The following PGAP6 variants were observed in gnomAD, a reference collection of about 807,000 sequenced individuals.
PGAP6 encodes post-GPI attachment to proteins factor 6.
Under a neutral mutation model 68.4 loss-of-function variants are expected in PGAP6, and 62 were observed. That is an observed-to-expected ratio of 0.91 (90% confidence interval 0.74 to 1.12). PGAP6 has a LOEUF of 1.12. PGAP6 is among the 50% of genes most tolerant of loss of function. The probability of loss-of-function intolerance (pLI) is 0.00; values close to 1 mark genes in which losing one functional copy is unlikely to be tolerated. For missense variants in PGAP6, 1,188 were observed against 1,068.5 expected, an observed-to-expected ratio of 1.11 and a Z score of -1.56; for synonymous variants, 575 against 474.0, an observed-to-expected ratio of 1.21 and a Z score of -2.77.
rs890483880 is a variant in PGAP6 at position 372,058 on chromosome 16, A to G, written c.2245T>C (p.Cys749Arg). 1 of 1,612,614 alleles carries G rather than the reference A, an allele frequency of 6.2e-7. No individual in the cohort carries two copies. Residue 749 changes from cysteine (C) to arginine (R), a missense_variant, in exon 13 of 13, where the codon TGC (cysteine) becomes CGC (arginine). Physicochemically the swap from Cys to Arg is radical, Grantham distance 180. Coordinates refer to ENST00000431232, the MANE Select transcript of PGAP6 (RefSeq NM_021259.3). ...PPDQPAEPWACSQKFPCHYQI... is the reference protein window; with the variant it reads ...PPDQPAEPWARSQKFPCHYQI... Reference sequence around the variant, plus strand: ...TAGTGGCAGGGGAATTTCTGCGAGCAGGCCCAGGGCTCGGCGGGCTGGTCA... The same window carrying G: ...TAGTGGCAGGGGAATTTCTGCGAGCGGGCCCAGGGCTCGGCGGGCTGGTCA...
upstream of PGAP6, among the ~76,000 whole-genome samples, chr16:385,291 C>T (rs1597170437): frequency 2.0e-5 from 3 of 150,518 alleles, no homozygotes; most frequent in African/African-American, 7.4e-5. Flanking sequence ...GTAAATAAAT[C>T]ATGCTATAAT....
In PGAP6 at chr16:377,497, C is replaced by A. The variant is rs369425622; in HGVS notation, c.388G>T (p.Gly130Trp). ...DTAVQPSFQV[G>W]VPLSTTPRSN... ...CTCGGTGTGGTGCTCAGCGGCACCC[C>A]GACCTGGAAGGAGGGCTGTACCGCG... Residue 130 changes from glycine (G) to tryptophan (W), a missense_variant, in exon 3 of 13, where the codon GGG becomes TGG. Coordinates refer to ENST00000431232, the MANE Select transcript of PGAP6 (RefSeq NM_021259.3). The A allele has an allele frequency of 4.4e-6, 7 of 1,604,380 alleles. No homozygotes were observed. In the African/African-American group the frequency reaches 5.3e-5, roughly 12 times the overall value.
In PGAP6 at chr16:372,612, C is replaced by T; in HGVS notation, c.2018G>A (p.Trp673Ter). The change falls in exon 12 of 13, where the codon TGG becomes TAG. Residue 673 changes from tryptophan to a stop codon, truncating the protein, a stop_gained and splice_region_variant. Coordinates refer to ENST00000431232, the MANE Select transcript of PGAP6 (RefSeq NM_021259.3). LOFTEE classifies it low-confidence loss of function (END_TRUNC). The stretch of plus-strand genomic sequence containing the variant: ...GTGCCAGCCAGCCCGGCTCCTTACC[C>T]ACATGGAGGCCATGATCACGAAGGC... ...LFAFVIMASM[W>*]AYRCGHRRQC... 5 of 1,610,174 alleles carry T rather than the reference C, an allele frequency of 3.1e-6. No homozygotes were observed. The highest frequency in any genetic ancestry group is 4.2e-6 in the Non-Finnish European group (5 of 1,178,402).
rs199941914 is a variant in PGAP6 at position 372,198 on chromosome 16, G to A, written c.2105C>T (p.Ala702Val). 12 of 1,611,322 alleles carry A rather than the reference G, an allele frequency of 7.4e-6. No individual in the cohort carries two copies. The highest frequency in any genetic ancestry group is 2.2e-5 in the South Asian group (2 of 90,994). The change falls in exon 13 of 13, where the codon GCC (alanine) becomes GTC (valine). Residue 702 changes from alanine to valine, a missense_variant. By Grantham distance (64) the Ala-to-Val change is moderately conservative. Coordinates refer to ENST00000431232, the MANE Select transcript of PGAP6 (RefSeq NM_021259.3). ...GGTGTAGATGGCGATGCCCACAGAG[G>A]CCATAGAGACGCCGGGCAGGAGGTA... is the stretch of plus-strand genomic sequence containing the variant. ...AFYLLPGVSM[A>V]SVGIAIYTSM... is the part of the protein sequence containing the mutation.
At position 373,400 on chromosome 16, in the gene PGAP6, G is replaced by A. The variant is rs549110968; in HGVS notation, c.1902+605C>T. Among the ~76,000 whole-genome samples the A allele has an allele frequency of 1.9e-4, 29 of 152,300 alleles. No individual in the cohort carries two copies. In the East Asian group the frequency reaches 4.8e-3, roughly 25 times the overall value. On this transcript the variant is annotated intron_variant, in intron 11 of 12. Transcript: ENST00000431232. ...GCATCATTGGCCCCAAGGACCCAGG[G>A]AGCATGGGTGGGGGCTTCTCGAAGG...
chr16:378,627 A>C (rs1038977726), intron 1 of PGAP6, among the ~76,000 whole-genome samples: 3 of 152,156 alleles, frequency 2.0e-5, no homozygotes, highest in Non-Finnish European at 2.9e-5. Flanking sequence ...CTCATCACAG[A>C]TGCCCTGGAT....
intron 5 of PGAP6, 44 bp downstream of exon 5, chr16:376,500 C>G: frequency 6.5e-7 from 1 of 1,545,268 alleles, no homozygotes; most frequent in African/African-American, 1.4e-5. Context: ...GTCTGGGGAT[C>G]TGGGGAGGGG....
In PGAP6 at chr16:379,060, G is replaced by A. The variant is rs571003459; in HGVS notation, c.122-1212C>T. ...AGCCTTCTCCTGGGTAGGTCAGGGC[G>A]GAGGGCACATCCCTTTGGGGGCCCC... On this transcript the variant is annotated intron_variant, in intron 1 of 12. Transcript: ENST00000431232. Among the ~76,000 whole-genome samples the A allele has an allele frequency of 3.9e-5, 6 of 152,282 alleles. No homozygotes were observed. In the South Asian group the frequency reaches 8.3e-4, roughly 21 times the overall value.
At chr16:385,786 G>A (rs551323927), upstream of PGAP6, among the ~76,000 whole-genome samples, 8 of 151,070 alleles carry the variant, frequency 5.3e-5, no homozygotes, top group Non-Finnish European at 7.4e-5. Context: ...CAACACACCC[G>A]GCTAATTTTT....
Position 376,658 on chromosome 16 carries a change from G to A in PGAP6, c.790C>T (p.Pro264Ser), listed in dbSNP as rs770423830. The A allele has an allele frequency of 2.5e-6, 4 of 1,609,626 alleles. No individual in the cohort carries two copies. Among genetic ancestry groups the A allele is most frequent in the Middle Eastern group, 1.8e-4 (1 of 5,638 alleles). Residue 264 changes from proline to serine, a missense_variant, in exon 5 of 13, where the codon CCC becomes TCC. Transcript: ENST00000431232. Reference sequence around the variant, plus strand: ...GGTGAGGGCAGCAGCAGGCGGCAGGGCCAGGGGGCACCGGTGCAGGTGAGC... The same window carrying A: ...GGTGAGGGCAGCAGCAGGCGGCAGGACCAGGGGGCACCGGTGCAGGTGAGC... The part of the protein sequence containing the change: ...KVLTCTGAPW[P>S]CRLLLPSPPW...
upstream of PGAP6, chr16:382,281 C>T (rs970738480): frequency 4.1e-5 from 16 of 392,492 alleles, no homozygotes; most frequent in East Asian, 4.7e-4. Context: ...CCCGCCGGTT[C>T]GCTGAGTCCC....
At chr16:385,592 T>C (rs529534022), upstream of PGAP6, among the ~76,000 whole-genome samples, 14 of 147,240 alleles carry the variant, frequency 9.5e-5, no homozygotes, top group Admixed American at 4.8e-4. Context: ...ATTACAGGCA[T>C]GAGCCACAGC....
At chr16:376,937 C>A in intron 4 of PGAP6, 100 bp downstream of exon 4, 2 of 1,563,626 alleles carry the variant, frequency 1.3e-6, no homozygotes, top group Non-Finnish European at 1.7e-6. Flanking sequence ...CACTTCCCAG[C>A]CCAACCCCAG....
rs771848706 is a variant in PGAP6 at position 376,160 on chromosome 16, G to T, written c.1200C>A (p.Leu400=). 6.2e-7 allele frequency: 1 copy of T among 1,607,186 alleles called. No individual in the cohort carries two copies. Among genetic ancestry groups the T allele is most frequent in the South Asian group, 1.1e-5 (1 of 90,980 alleles). The stretch of plus-strand genomic sequence containing the variant: ...CCTTGTTGGCCCGCAGGGAGATGGT[G>T]AGGGAACCCCCGCTGTCCATGCCGG... The part of the protein sequence containing the change: ...LNTGMDSGGS[L]TISLRANKTE... Residue 400 remains leucine, a synonymous_variant, in exon 6 of 13, where the codon CTC becomes CTA. Coordinates refer to ENST00000431232, the MANE Select transcript of PGAP6 (RefSeq NM_021259.3).
At chr16:382,392 T>C, upstream of PGAP6, 1 of 371,636 alleles carries the variant, frequency 2.7e-6, no homozygotes, top group Non-Finnish European at 4.8e-6. Flanking sequence ...CGCCCTGCCC[T>C]GCCCCGCCCG....
In PGAP6 at chr16:371,849, T is replaced by G; in HGVS notation, c.*138A>C. ...GAGGGAGGGGTGGCCCTCTCCTCAG[T>G]AGGAGGAAGTAAGAGGGTATCTAGG... On this transcript the variant is annotated 3_prime_UTR_variant, in exon 13 of 13. Coordinates refer to ENST00000431232, the MANE Select transcript of PGAP6 (RefSeq NM_021259.3). 3 of 870,254 alleles carry G rather than the reference T, an allele frequency of 3.4e-6. No individual in the cohort carries two copies. Among genetic ancestry groups the G allele is most frequent in the Non-Finnish European group, 5.2e-6 (3 of 575,514 alleles). The allele number at this position is 870,254 out of a possible 1,614,324, so 53.9% of individuals were successfully genotyped here.
chr16:375,677 G>A lies in PGAP6; in HGVS notation c.1225-242C>T, dbSNP rs558742149. ...CTCCCGAGTAGCTGGGACTACAGGC[G>A]CCCGCCACCACGCCCGGCTAATTTT... On this transcript the variant is annotated intron_variant, in intron 6 of 12. Transcript: ENST00000431232. Among the ~76,000 whole-genome samples the A allele has an allele frequency of 7.2e-5, 11 of 152,176 alleles. No individual in the cohort carries two copies. The East Asian group carries it at 1.5e-3, about 21-fold the overall frequency.
chr16:373,137 G>C (rs1277451133), intron 11 of PGAP6, among the ~76,000 whole-genome samples: 1 of 152,162 alleles, frequency 6.6e-6, no homozygotes, highest in Non-Finnish European at 1.5e-5. Context: ...AGACACCTCT[G>C]CCCACAGCCT....
chr16:373,335 C>T (rs2054351086), intron 11 of PGAP6, among the ~76,000 whole-genome samples: 2 of 152,226 alleles, frequency 1.3e-5, no homozygotes, highest in Non-Finnish European at 2.9e-5. Context: ...GGGCATGAGT[C>T]TCCCCTTGCC....
Sources: allele counts gnomAD v4.1 joint callset (sites outside exome capture counted in the v4.1 genomes callset), GRCh38; gene constraint gnomAD v4.1.1; transcripts MANE v1.5; gene names NCBI Gene and HGNC (gene_info 2026-07-23, HGNC 2026-07-21).